The following BCL9 variants were observed in gnomAD, a reference collection of about 807,000 sequenced individuals.
BCL9 encodes the protein B-cell CLL/lymphoma 9 protein.
Under a neutral mutation model 88.5 loss-of-function variants are expected in BCL9, and 25 were observed. The ratio of observed to expected loss-of-function variants is 0.28; its 90% confidence interval spans 0.21 to 0.39. The LOEUF (loss-of-function observed/expected upper bound fraction) is 0.39, where lower values mean the gene tolerates loss of function less well. Among genes scored for constraint, BCL9 ranks in the 10% least tolerant of loss-of-function variants. The pLI, the probability that BCL9 is intolerant of heterozygous loss-of-function variation, is 1.00. For synonymous variants in BCL9, 711 were observed against 673.3 expected (o/e 1.06, Z -0.87); for missense variants, 1,817 against 1,877.8 (o/e 0.97, Z 0.60).
chr1:147,598,857 T>G (rs1657172209), intron 1 of BCL9, among the ~76,000 whole-genome samples: 1 of 152,176 alleles, frequency 6.6e-6, no homozygotes, highest in Non-Finnish European at 1.5e-5. Context: ...ATAACGGTTG[T>G]TCACCGCAGC....
At chr1:147,543,154 T>A (rs1363714794) in intron 1 of BCL9, among the ~76,000 whole-genome samples, 2 of 152,190 alleles carry the variant, frequency 1.3e-5, no homozygotes, top group African/African-American at 4.8e-5. Flanking sequence ...TGTCTGCTTA[T>A]TTTCTTGAAT....
intron 1 of BCL9, among the ~76,000 whole-genome samples, chr1:147,594,846 C>A (rs1656981114): frequency 6.6e-6 from 1 of 152,068 alleles, no homozygotes; most frequent in African/African-American, 2.4e-5. Context: ...GGAGGAAACA[C>A]AATAGTTGTG....
At chr1:147,593,825 A>G (rs1191643159) in intron 1 of BCL9, among the ~76,000 whole-genome samples, 1 of 152,212 alleles carries the variant, frequency 6.6e-6, no homozygotes, top group Non-Finnish European at 1.5e-5. Context: ...AAAACAAAAG[A>G]TATGTGAGAT....
At chr1:147,571,892 A>G (rs1174633744) in intron 1 of BCL9, among the ~76,000 whole-genome samples, 2 of 152,128 alleles carry the variant, frequency 1.3e-5, no homozygotes, top group Non-Finnish European at 2.9e-5. Context: ...CATTTTCTCT[A>G]TGCATTTGAT....
At chr1:147,547,484 A>G (rs587703156) in intron 1 of BCL9, among the ~76,000 whole-genome samples, 17 of 152,308 alleles carry the variant, frequency 1.1e-4, no homozygotes, top group African/African-American at 4.1e-4. Context: ...AAGGGAAACC[A>G]GTTCAAGGTT....
At chr1:147,607,446 T>TC in intron 3 of BCL9, among the ~76,000 whole-genome samples, 1 of 152,314 alleles carries the variant, frequency 6.6e-6, no homozygotes, top group Middle Eastern at 3.4e-3. Context: ...TCATGGAGCT[T>TC]ATGGTCTAGT....
chr1:147,619,738 C>T lies in BCL9; in HGVS notation c.1583C>T (p.Pro528Leu). Residue 528 changes from proline (P) to leucine (L), a missense_variant, in exon 8 of 10, where the codon CCT becomes CTT. Transcript: ENST00000234739. The surrounding 1 kb of genome is among the most constrained non-coding windows in gnomAD (Gnocchi z 4.1). ...ATGACCCCTAGTGAAGGCTGGGCAC[C>T]TGGGGGTACAGAGCCATTTTCTGAT... is the stretch of plus-strand genomic sequence containing the variant. ...YQMTPSEGWA[P>L]GGTEPFSDGI... 1.2e-6 allele frequency: 2 copies of T among 1,614,060 alleles called. No individual in the cohort carries two copies. The highest frequency in any genetic ancestry group is 1.7e-6 in the Non-Finnish European group (2 of 1,180,012).
chr1:147,609,805 A>C (rs1657908917), intron 3 of BCL9, among the ~76,000 whole-genome samples: 1 of 152,224 alleles, frequency 6.6e-6, no homozygotes, highest in Non-Finnish European at 1.5e-5. Context: ...ATCTAACTAC[A>C]TGCTTAGTAC....
chr1:147,583,204 T>C (rs1012123092), intron 1 of BCL9, among the ~76,000 whole-genome samples: 3 of 152,228 alleles, frequency 2.0e-5, no homozygotes, highest in Non-Finnish European at 4.4e-5. Flanking sequence ...TTTTCAGTCA[T>C]TTGTTGAAAT....
At chr1:147,553,654 A>G (rs1231833069) in intron 1 of BCL9, among the ~76,000 whole-genome samples, 1 of 152,204 alleles carries the variant, frequency 6.6e-6, no homozygotes, top group African/African-American at 2.4e-5. Flanking sequence ...GGTAACATTG[A>G]TGTCTGTGCC....
chr1:147,547,294 AATG>A (rs1419774070), intron 1 of BCL9, among the ~76,000 whole-genome samples: 1 of 152,200 alleles, frequency 6.6e-6, no homozygotes, highest in African/African-American at 2.4e-5. Flanking sequence ...GTAGAGAATG[AATG>A]ATGTTTTCAT....
rs946903 is a variant in BCL9, at chr1:147,625,465, T to C, written c.*506T>C. Reference sequence around the variant, plus strand: ...TGGGCTGTTTACTTTAGGTGGAGAATCCATCTTCAGACCTTTGGACTATTT... The same window carrying C: ...TGGGCTGTTTACTTTAGGTGGAGAACCCATCTTCAGACCTTTGGACTATTT... On this transcript the variant is annotated 3_prime_UTR_variant, in exon 10 of 10. Transcript: ENST00000234739. The C allele has an allele frequency of 0.24, 54,823 of 225,736 alleles. 7,923 individuals carry two copies. Among genetic ancestry groups the C allele is most frequent in the African/African-American group, 0.42 (18,691 of 44,588 alleles). The allele number at this position is 225,736 out of a possible 1,614,324, so 14.0% of individuals were successfully genotyped here.
rs112583271 is a variant in BCL9 at position 147,620,993 on chromosome 1, C to T, written c.2838C>T (p.Ile946=). The change falls in exon 8 of 10, where the codon ATC becomes ATT. Residue 946 remains isoleucine, a synonymous_variant. Coordinates refer to ENST00000234739, the MANE Select transcript of BCL9 (RefSeq NM_004326.4). ...SPKPPLQSPG[I]PPNHKAPLTM... ...AACCTCCCCTTCAGAGTCCTGGGAT[C>T]CCTCCAAACCATAAAGCACCCCTCA... 5.6e-6 allele frequency: 9 copies of T among 1,614,174 alleles called. No homozygotes were observed. The highest frequency in any genetic ancestry group is 7.6e-6 in the Non-Finnish European group (9 of 1,180,030).
chr1:147,557,422 A>G (rs1284169405), intron 1 of BCL9, among the ~76,000 whole-genome samples: 1 of 152,214 alleles, frequency 6.6e-6, no homozygotes, highest in Non-Finnish European at 1.5e-5. Context: ...GTGACAAAGT[A>G]AAGCATCTTG....
chr1:147,558,207 A>G (rs1365653136), intron 1 of BCL9, among the ~76,000 whole-genome samples: 1 of 152,200 alleles, frequency 6.6e-6, no homozygotes, highest in Non-Finnish European at 1.5e-5. Flanking sequence ...CCTAAAGTCA[A>G]ATAGCATGTA....
At position 147,612,920 on chromosome 1, in the gene BCL9, C is replaced by G. The variant is rs144335253; in HGVS notation, c.91C>G (p.Pro31Ala). 33 of 1,613,894 alleles carry G rather than the reference C, an allele frequency of 2.0e-5. No individual in the cohort carries two copies. Among genetic ancestry groups the G allele is most frequent in the Non-Finnish European group, 2.8e-5 (33 of 1,179,964 alleles). Residue 31 changes from proline (P) to alanine (A), a missense_variant, in exon 5 of 10, where the codon CCT (proline) becomes GCT (alanine). Pro to Ala is a conservative substitution (Grantham distance 27). Around this residue, in one of 2 missense-constraint regions of BCL9, gnomAD observed 1,228 missense variants for 1,191.6 expected, o/e 1.03. Coordinates refer to ENST00000234739, the MANE Select transcript of BCL9 (RefSeq NM_004326.4). ...AAAGCAGGAGGTGATGGTCCGTCCC[C>G]CTACAGTGATGTCCCCATCTGGAAA... ...KSKQEVMVRP[P>A]TVMSPSGNPQ...
chr1:147,546,657 C>T (rs1249958977), intron 1 of BCL9, among the ~76,000 whole-genome samples: 1 of 152,058 alleles, frequency 6.6e-6, no homozygotes, highest in African/African-American at 2.4e-5. Context: ...CTTTGGTCAC[C>T]TTATATGAAG....
At chr1:147,604,497 C>CT (rs1553201700) in intron 1 of BCL9, among the ~76,000 whole-genome samples, 2 of 152,102 alleles carry the variant, frequency 1.3e-5, no homozygotes, top group South Asian at 2.1e-4. Context: ...TAAAATGAGG[C>CT]TTTTGTATCT....
intron 1 of BCL9, among the ~76,000 whole-genome samples, chr1:147,547,922 A>C (rs1553194418): frequency 1.3e-5 from 2 of 152,240 alleles, no homozygotes; most frequent in South Asian, 4.1e-4. Context: ...TTAATGATCT[A>C]AGTAGTTATC....
Sources: gnomAD v4.1 joint callset for allele counts (sites outside exome capture counted in the v4.1 genomes callset) on GRCh38, gnomAD v4.1.1 for gene constraint, gnomAD v4.1.1 regional missense constraint, Gnocchi (gnomAD v3.1) non-coding constraint, MANE v1.5 for transcripts, NCBI Gene and HGNC (gene_info 2026-07-23, HGNC 2026-07-21) for gene names.